The following FUT8 variants were observed in gnomAD, a reference collection of about 807,000 sequenced individuals.
FUT8 encodes fucosyltransferase 8.
FUT8 carries 29 observed loss-of-function variants against 71.3 expected under a neutral mutation model. The ratio of observed to expected loss-of-function variants is 0.41; its 90% CI spans 0.30 to 0.55. FUT8 has a LOEUF of 0.55. Ranked by LOEUF, FUT8 falls within the 20% of genes least tolerant of loss-of-function variation. The probability of loss-of-function intolerance (pLI) is 0.34; values close to 1 mark genes in which losing one functional copy is unlikely to be tolerated. For synonymous variants in FUT8, 254 were observed against 239.3 expected (o/e 1.06, Z -0.57); for missense variants, 544 against 702.1 (o/e 0.77, Z 2.55).
the FUT8 span, among the ~76,000 whole-genome samples, chr14:65,403,193 T>C: frequency 1.3e-5 from 2 of 152,226 alleles, no homozygotes; most frequent in Non-Finnish European, 2.9e-5. Context: ...GCTCTGTTCT[T>C]AGGAGTATTA....
the FUT8 span, among the ~76,000 whole-genome samples, chr14:65,401,444 T>G: frequency 6.6e-6 from 1 of 152,196 alleles, no homozygotes; most frequent in Non-Finnish European, 1.5e-5. Context: ...ATGACATGGC[T>G]TGGAAGAAAG....
chr14:65,724,462 T>C, intron 9 of FUT8, 139 bp downstream of exon 9: 1 of 577,836 alleles, frequency 1.7e-6, no homozygotes, highest in Non-Finnish European at 3.0e-6. Context: ...GACTATGTAC[T>C]TGTGTAACTG....
chr14:65,722,294 G>A (rs1895459206), intron 8 of FUT8, among the ~76,000 whole-genome samples: 1 of 150,854 alleles, frequency 6.6e-6, no homozygotes, highest in Admixed American at 6.6e-5. Context: ...CTCTCTTTTG[G>A]CTTTTGTTGT....
chr14:65,576,192 T>A (rs976261208), intron 3 of FUT8, among the ~76,000 whole-genome samples: 1 of 152,198 alleles, frequency 6.6e-6, no homozygotes, highest in Non-Finnish European at 1.5e-5. Context: ...TTTGTTTGTT[T>A]GTTTGTTTCT....
upstream of FUT8, chr14:65,411,893 T>A: frequency 2.7e-6 from 1 of 375,146 alleles, no homozygotes; most frequent in Non-Finnish European, 5.2e-6. Flanking sequence ...GGCGGCGCGC[T>A]CCGGTCCTCC....
chr14:65,634,880 A>G (rs545688482), intron 6 of FUT8, among the ~76,000 whole-genome samples: 14 of 152,246 alleles, frequency 9.2e-5, no homozygotes. Flanking sequence ...TGATGGCGGT[A>G]TTTTGATGGG....
intron 3 of FUT8, among the ~76,000 whole-genome samples, chr14:65,596,520 T>A (rs1887988191): frequency 6.6e-6 from 1 of 152,202 alleles, no homozygotes; most frequent in South Asian, 2.1e-4. Flanking sequence ...ATTTTAATGT[T>A]ACTGAAGTTT....
chr14:65,469,693 T>C (rs191091818), intron 2 of FUT8, among the ~76,000 whole-genome samples: 2 of 152,298 alleles, frequency 1.3e-5, no homozygotes, highest in East Asian at 3.9e-4. Context: ...GAGGAGGCCC[T>C]GGAGTGAGTG....
At chr14:65,700,842 C>T (rs1290348801) in intron 7 of FUT8, among the ~76,000 whole-genome samples, 1 of 152,092 alleles carries the variant, frequency 6.6e-6, no homozygotes, top group African/African-American at 2.4e-5. Context: ...GAGAATCATC[C>T]TATTGTCATT....
intron 2 of FUT8, among the ~76,000 whole-genome samples, chr14:65,506,703 A>G (rs765313904): frequency 6.6e-6 from 1 of 152,218 alleles, no homozygotes; most frequent in Non-Finnish European, 1.5e-5. Flanking sequence ...GTTTTGACAC[A>G]GGCGTGCAAT....
intron 1 of FUT8, among the ~76,000 whole-genome samples, chr14:65,438,139 G>A (rs1232810094): frequency 1.3e-5 from 2 of 152,166 alleles, no homozygotes; most frequent in African/African-American, 2.4e-5. Context: ...CCTCTCTCAA[G>A]TAAGAATATA....
At chr14:65,477,863 T>C (rs1490757540) in intron 2 of FUT8, among the ~76,000 whole-genome samples, 1 of 151,668 alleles carries the variant, frequency 6.6e-6, no homozygotes, top group Admixed American at 6.6e-5. Context: ...TGATGTCTTT[T>C]TTTTTTTTTA....
Position 65,724,148 on chromosome 14 carries a change from G to A in FUT8, c.1084G>A (p.Val362Ile). ...KLGFKHPVIGVHVRRTDKVGT... is the reference protein window; with the variant it reads ...KLGFKHPVIGIHVRRTDKVGT... Reference sequence around the variant, plus strand: ...GTAGAATCTGAATTTCTCCCCCAGAGTCCATGTCAGACGCACAGACAAAGT... The same window carrying A: ...GTAGAATCTGAATTTCTCCCCCAGAATCCATGTCAGACGCACAGACAAAGT... Residue 362 changes from valine (V) to isoleucine (I), a missense_variant and splice_region_variant, in exon 9 of 11, where the codon GTC (valine) becomes ATC (isoleucine). Val to Ile is a conservative substitution (Grantham distance 29). Coordinates refer to ENST00000673929, the MANE Select transcript of FUT8 (RefSeq NM_001371533.1). 1 of 1,584,998 alleles carries A rather than the reference G, an allele frequency of 6.3e-7. No homozygotes were observed. Among genetic ancestry groups the A allele is most frequent in the Non-Finnish European group, 8.6e-7 (1 of 1,168,032 alleles).
intron 2 of FUT8, among the ~76,000 whole-genome samples, chr14:65,464,283 T>C (rs1482343230): frequency 8.1e-6 from 1 of 122,858 alleles, no homozygotes; most frequent in Non-Finnish European, 1.7e-5. Flanking sequence ...TTTTTTTACA[T>C]AGATGATCAT....
chr14:65,627,885 G>C lies in FUT8; in HGVS notation c.483-1607G>C, dbSNP rs1023940409. Reference sequence around the variant, plus strand: ...TAGAGAGATACTTTAACAACTGCCTGACCATCACCTGATGGTCGCCTGACA... The same window carrying C: ...TAGAGAGATACTTTAACAACTGCCTCACCATCACCTGATGGTCGCCTGACA... On this transcript the variant is annotated intron_variant, in intron 5 of 10. Transcript: ENST00000673929. This position sits in a 1 kb window ranked among gnomAD's most constrained non-coding sequence, Gnocchi z 4.0. Among the ~76,000 whole-genome samples, 3 of 152,286 alleles carry C rather than the reference G, an allele frequency of 2.0e-5. No homozygotes were observed. The highest frequency in any genetic ancestry group is 4.4e-5 in the Non-Finnish European group (3 of 68,022).
intron 5 of FUT8, among the ~76,000 whole-genome samples, chr14:65,622,135 T>C (rs1167196638): frequency 5.3e-5 from 8 of 152,190 alleles, no homozygotes; most frequent in Non-Finnish European, 8.8e-5. Flanking sequence ...AGTTCCATTT[T>C]TATAACTGAA....
At chr14:65,683,507 T>C (rs1316295447) in intron 7 of FUT8, among the ~76,000 whole-genome samples, 2 of 152,224 alleles carry the variant, frequency 1.3e-5, no homozygotes, top group Non-Finnish European at 2.9e-5. Flanking sequence ...CAACCCTTGA[T>C]TGTAAACAGT....
Position 65,574,897 on chromosome 14 carries a change from AG to A in FUT8, c.203+13134del, listed in dbSNP as rs1248619633. 6.6e-6 allele frequency among the ~76,000 whole-genome samples: 1 copy of A among 152,170 alleles called. No individual in the cohort carries two copies. Among genetic ancestry groups the A allele is most frequent in the Non-Finnish European group, 1.5e-5 (1 of 68,030 alleles). ...GGAACCATAAGCATGGCTTGAAGGCAGGGTTGCTGAACAGATACTTCATTTA... is the reference window on the plus strand; with the variant it reads ...GGAACCATAAGCATGGCTTGAAGGCAGGTTGCTGAACAGATACTTCATTTA... On this transcript the variant is annotated intron_variant, in intron 3 of 10. Coordinates refer to ENST00000673929, the MANE Select transcript of FUT8 (RefSeq NM_001371533.1). The surrounding 1 kb of genome is among the most constrained non-coding windows in gnomAD (Gnocchi z 5.2).
rs1036995459 is a variant in FUT8 at position 65,574,786 on chromosome 14, C to T, written c.203+13020C>T. Among the ~76,000 whole-genome samples the T allele has an allele frequency of 2.0e-5, 3 of 152,066 alleles. No homozygotes were observed. Among genetic ancestry groups the T allele is most frequent in the African/African-American group, 7.2e-5 (3 of 41,410 alleles). On this transcript the variant is annotated intron_variant, in intron 3 of 10. Transcript: ENST00000673929. This position sits in a 1 kb window ranked among gnomAD's most constrained non-coding sequence, Gnocchi z 5.2. ...TCACAGTGAACTTCATTGTTTGTGG[C>T]GCAATGTCTTGCTTCCCTTGGTTCC...
Sources: allele counts gnomAD v4.1 joint callset (sites outside exome capture counted in the v4.1 genomes callset), GRCh38; gene constraint gnomAD v4.1.1; non-coding constraint Gnocchi (gnomAD v3.1); transcripts MANE v1.5; gene names NCBI Gene and HGNC (gene_info 2026-07-23, HGNC 2026-07-21).